The following GRK7 variants were observed in gnomAD, a reference collection of about 807,000 sequenced individuals.
GRK7 encodes the protein rhodopsin kinase GRK7.
GRK7 carries 24 observed loss-of-function variants against 34.1 expected under a neutral mutation model. The observed-to-expected ratio is 0.70, with a 90% CI of 0.51 to 0.99. GRK7 has a LOEUF of 0.99. Among genes scored for constraint, GRK7 ranks in the 50% least tolerant of loss-of-function variants. The pLI is 0.00. For synonymous variants in GRK7, 256 were observed against 279.4 expected (o/e 0.92, Z 0.84); for missense variants, 644 against 707.3 (o/e 0.91, Z 1.02).
intron 4 of GRK7, among the ~76,000 whole-genome samples, chr3:141,798,462 C>T (rs571749019): frequency 2.0e-5 from 3 of 152,174 alleles, no homozygotes; most frequent in Non-Finnish European, 4.4e-5. Context: ...CATACACACA[C>T]ACACACCCAC....
chr3:141,752,956 C>A, the GRK7 span, among the ~76,000 whole-genome samples: 1 of 152,194 alleles, frequency 6.6e-6, no homozygotes, highest in South Asian at 2.1e-4. Flanking sequence ...ATCAACCCTG[C>A]TGGCACCTTG....
At chr3:141,810,274 C>A (rs1226290103) in intron 5 of GRK7, among the ~76,000 whole-genome samples, 1 of 151,442 alleles carries the variant, frequency 6.6e-6, no homozygotes, top group Admixed American at 6.6e-5. Context: ...TTCTCTCTCT[C>A]CCCCCTCTTT....
chr3:141,768,310 C>A (rs1363297183), intron 1 of GRK7, among the ~76,000 whole-genome samples: 1 of 151,016 alleles, frequency 6.6e-6, no homozygotes, highest in East Asian at 2.0e-4. Flanking sequence ...CGCTCTCTTC[C>A]CCAGGAGTGC....
chr3:141,799,863 G>A (rs1222194915), intron 4 of GRK7, among the ~76,000 whole-genome samples: 1 of 152,100 alleles, frequency 6.6e-6, no homozygotes, highest in Non-Finnish European at 1.5e-5. Flanking sequence ...CTTTGTTCAT[G>A]GCAAGGTATG....
At chr3:141,814,858 C>CT (rs1373529656) in intron 5 of GRK7, among the ~76,000 whole-genome samples, 1 of 150,678 alleles carries the variant, frequency 6.6e-6, no homozygotes, top group African/African-American at 2.4e-5. Context: ...TAAGCATTCT[C>CT]TTTTCTCTGC....
chr3:141,795,767 C>T (rs1559844940), intron 4 of GRK7, among the ~76,000 whole-genome samples: 1 of 151,736 alleles, frequency 6.6e-6, no homozygotes, highest in Admixed American at 6.6e-5. Flanking sequence ...AAGCGAGACT[C>T]TGCTCTATGT....
the GRK7 span, among the ~76,000 whole-genome samples, chr3:141,752,349 T>A: frequency 6.6e-6 from 1 of 152,206 alleles, no homozygotes; most frequent in African/African-American, 2.4e-5. Context: ...TGGAGACATT[T>A]GTGGATGTCC....
rs143028766 is a variant in GRK7 at position 141,778,518 on chromosome 3, C to G, written c.234C>G (p.Pro78=). The G allele has an allele frequency of 1.7e-5, 27 of 1,613,290 alleles. No homozygotes were observed. The African/African-American group carries it at 2.8e-4, about 17-fold the overall frequency. ...TCCGTGACTTCCTAGCCACAGTGCC[C>G]ACGTTCCGCAAGGCGGCAACCTTCC... ...RLFRDFLATV[P]TFRKAATFLE... The change falls in exon 3 of 6, where the codon CCC becomes CCG. Residue 78 remains proline, a synonymous_variant. Transcript: ENST00000682958. The surrounding 1 kb of genome is among the most constrained non-coding windows in gnomAD (Gnocchi z 4.1).
chr3:141,762,659 G>A (rs2084560965), upstream of GRK7, among the ~76,000 whole-genome samples: 2 of 151,808 alleles, frequency 1.3e-5, no homozygotes, highest in Admixed American at 1.3e-4. Context: ...GGAGCTTCCC[G>A]GCTGCTTTGT....
At position 141,778,829 on chromosome 3, in the gene GRK7, A is replaced by G; in HGVS notation, c.545A>G (p.Glu182Gly). 6.2e-7 allele frequency: 1 copy of G among 1,612,308 alleles called. No homozygotes were observed. Among genetic ancestry groups the G allele is most frequent in the Non-Finnish European group, 8.5e-7 (1 of 1,179,206 alleles). The change falls in exon 3 of 6, where the codon GAG becomes GGG. Residue 182 changes from glutamate (E) to glycine (G), a missense_variant. Physicochemically the swap from Glu to Gly is moderately conservative, Grantham distance 98 (BLOSUM62 -2). Transcript: ENST00000682958. This position sits in a 1 kb window ranked among gnomAD's most constrained non-coding sequence, Gnocchi z 4.1. ...YDKFLQWKLF[E>G]MQPVSDKYFT... ...AAGTTTCTGCAGTGGAAACTCTTCG[A>G]GATGCAACCAGTGTCAGACAAGTAC...
At chr3:141,773,027 T>C (rs2084623263) in intron 1 of GRK7, among the ~76,000 whole-genome samples, 1 of 151,862 alleles carries the variant, frequency 6.6e-6, no homozygotes, top group African/African-American at 2.4e-5. Context: ...TCCCAGCTAC[T>C]TGGGAGGCTG....
intron 4 of GRK7, among the ~76,000 whole-genome samples, chr3:141,800,405 A>AC (rs1710946745): frequency 8.0e-6 from 1 of 124,382 alleles, no homozygotes. Context: ...AAAAAAAAAA[A>AC]CTCTTCAAAA....
intron 4 of GRK7, among the ~76,000 whole-genome samples, chr3:141,799,660 C>G (rs1710931098): frequency 6.6e-6 from 1 of 151,676 alleles, no homozygotes; most frequent in African/African-American, 2.4e-5. Flanking sequence ...GGTTGGTGAT[C>G]TTAGGCAAGA....
chr3:141,808,846 G>A (rs964544281), intron 5 of GRK7, among the ~76,000 whole-genome samples: 8 of 152,134 alleles, frequency 5.3e-5, no homozygotes, highest in South Asian at 2.1e-4. Flanking sequence ...GCATAACAAC[G>A]TAGTGTGAAT....
intron 4 of GRK7, among the ~76,000 whole-genome samples, chr3:141,790,655 C>T (rs2084719928): frequency 1.3e-5 from 2 of 151,712 alleles, no homozygotes; most frequent in African/African-American, 4.8e-5. Flanking sequence ...CCTCTGCCTC[C>T]AGGGTTCAAG....
rs987205698 is a variant in GRK7 at position 141,819,035 on chromosome 3, C to T, written c.*1985C>T. ...GTCACCAAAGCAGGATAGAAGTGTG[C>T]CCAGGAGATTTTTTTTTTTCCTGAA... On this transcript the variant is annotated 3_prime_UTR_variant, in exon 6 of 6. Coordinates refer to ENST00000682958, the MANE Select transcript of GRK7 (RefSeq NM_139209.3). 6.6e-6 allele frequency among the ~76,000 whole-genome samples: 1 copy of T among 151,242 alleles called. No individual in the cohort carries two copies. Among genetic ancestry groups the T allele is most frequent in the Non-Finnish European group, 1.5e-5 (1 of 67,936 alleles).
At chr3:141,770,460 A>T (rs559142781) in intron 1 of GRK7, among the ~76,000 whole-genome samples, 1 of 152,206 alleles carries the variant, frequency 6.6e-6, no homozygotes, top group African/African-American at 2.4e-5. Flanking sequence ...CCAACAAGGT[A>T]TTTTTGATTA....
chr3:141,778,348 C>T lies in GRK7; in HGVS notation c.64C>T (p.Pro22Ser), dbSNP rs1254198859. 1.9e-6 allele frequency: 3 copies of T among 1,609,056 alleles called. No individual in the cohort carries two copies. Among genetic ancestry groups the T allele is most frequent in the African/African-American group, 2.7e-5 (2 of 74,832 alleles). Residue 22 changes from proline (P) to serine (S), a missense_variant, in exon 3 of 6, where the codon CCC becomes TCC. By Grantham distance (74) the Pro-to-Ser change is moderately conservative. Transcript: ENST00000682958. The surrounding 1 kb of genome is among the most constrained non-coding windows in gnomAD (Gnocchi z 4.1). ...ANTAYLQARK[P>S]SDCDSKELQR... Reference sequence around the variant, plus strand: ...CACCGCCTACCTGCAGGCCCGGAAGCCCTCGGACTGCGACAGCAAAGAGCT... The same window carrying T: ...CACCGCCTACCTGCAGGCCCGGAAGTCCTCGGACTGCGACAGCAAAGAGCT...
At chr3:141,796,537 C>A (rs971085567) in intron 4 of GRK7, among the ~76,000 whole-genome samples, 1 of 152,142 alleles carries the variant, frequency 6.6e-6, no homozygotes, top group Non-Finnish European at 1.5e-5. Context: ...TTGTTCTCTG[C>A]GAGGCACAGG....
Sources: allele counts gnomAD v4.1 joint callset (sites outside exome capture counted in the v4.1 genomes callset), GRCh38; gene constraint gnomAD v4.1.1; non-coding constraint Gnocchi (gnomAD v3.1); transcripts MANE v1.5; gene names NCBI Gene and HGNC (gene_info 2026-07-23, HGNC 2026-07-21).